CDH12: variants seen among roughly 807,000 people sequenced by gnomAD.
CDH12 encodes the protein cadherin-12.
CDH12 carries 41 observed loss-of-function variants against 74.1 expected under a neutral mutation model. The ratio of observed to expected loss-of-function variants is 0.55; its 90% CI spans 0.43 to 0.72. The LOEUF (loss-of-function observed/expected upper bound fraction) is 0.72, where lower values mean the gene tolerates loss of function less well. CDH12 is among the 30% of genes least tolerant of loss of function. CDH12 has a pLI of 0.00. For synonymous variants in CDH12, 399 were observed against 355.0 expected, an observed-to-expected ratio of 1.12 and a Z score of -1.39; for missense variants, 945 against 977.2, an observed-to-expected ratio of 0.97 and a Z score of 0.44.
intron 14 of CDH12, among the ~76,000 whole-genome samples, chr5:21,753,274 T>C (rs561988085): frequency 6.6e-6 from 1 of 152,274 alleles, no homozygotes; most frequent in African/African-American, 2.4e-5. Flanking sequence ...TCCTCCAAAA[T>C]TAGAGATGGA....
chr5:22,204,896 A>G (rs1283936986), intron 4 of CDH12, among the ~76,000 whole-genome samples: 1 of 152,120 alleles, frequency 6.6e-6, no homozygotes, highest in Admixed American at 6.5e-5. Flanking sequence ...CAGTCTGTAC[A>G]TATGTTCCAT....
intron 5 of CDH12, among the ~76,000 whole-genome samples, chr5:22,003,906 T>G (rs1412023824): frequency 6.6e-6 from 1 of 151,926 alleles, no homozygotes; most frequent in Non-Finnish European, 1.5e-5. Flanking sequence ...CTTTTTTAAT[T>G]TAAAGCTTCA....
chr5:22,234,600 A>G (rs1157701060), intron 3 of CDH12, among the ~76,000 whole-genome samples: 4 of 142,140 alleles, frequency 2.8e-5, no homozygotes, highest in African/African-American at 1.0e-4. Flanking sequence ...TTTTTTCAGC[A>G]GCATGAAAAT....
intron 1 of CDH12, among the ~76,000 whole-genome samples, chr5:22,720,918 A>G (rs388859): frequency 0.84 from 127,586 of 152,212 alleles, 53,563 homozygotes; most frequent in Non-Finnish European, 0.86. Flanking sequence ...AAAGGGGAAG[A>G]AGAGTGTAAA....
chr5:22,788,128 A>G (rs1747732359), intron 1 of CDH12, among the ~76,000 whole-genome samples: 1 of 152,130 alleles, frequency 6.6e-6, no homozygotes, highest in Non-Finnish European at 1.5e-5. Context: ...TGTTGACAGG[A>G]CATGGTCATT....
intron 3 of CDH12, among the ~76,000 whole-genome samples, chr5:22,232,717 C>G (rs911156985): frequency 3.3e-5 from 5 of 151,428 alleles, no homozygotes; most frequent in African/African-American, 1.2e-4. Context: ...CTCTCTGTGT[C>G]TAACTTTTAG....
At chr5:22,467,182 G>A (rs1745770535) in intron 2 of CDH12, among the ~76,000 whole-genome samples, 1 of 152,042 alleles carries the variant, frequency 6.6e-6, no homozygotes, top group Admixed American at 6.5e-5. Flanking sequence ...GCCTCATACT[G>A]GCATGAGATG....
At chr5:22,202,254 C>G (rs1750971127) in intron 4 of CDH12, among the ~76,000 whole-genome samples, 1 of 149,662 alleles carries the variant, frequency 6.7e-6, no homozygotes, top group Non-Finnish European at 1.5e-5. Flanking sequence ...AGGTGATGAG[C>G]CTGCAGCAGT....
In CDH12 at chr5:22,138,875, T is replaced by TATATATATATATATATATAC. The variant is rs1256794399; in HGVS notation, c.-186-60014_-186-60013insGTATATATATATATATATAT. On this transcript the variant is annotated intron_variant, in intron 4 of 14. Coordinates refer to ENST00000382254, the MANE Select transcript of CDH12 (RefSeq NM_004061.5). ...ATATATATATATATATATATATATA[T>TATATATATATATATATATAC]ACATGTTGGACTCATCGATGTACAT... is the stretch of plus-strand genomic sequence containing the variant. 2.7e-4 allele frequency among the ~76,000 whole-genome samples: 37 copies of TATATATATATATATATATAC among 137,668 alleles called. 1 individual carries two copies. Among genetic ancestry groups the TATATATATATATATATATAC allele is most frequent in the Middle Eastern group, 3.7e-3 (1 of 270 alleles). The allele number at this position is 137,668 out of a possible 152,430, so 90.3% of individuals were successfully genotyped here. A position where few individuals can be genotyped will look rare whatever the true frequency, so the allele number is the denominator to read the frequency against.
At chr5:22,827,516 C>G (rs1057164078) in intron 1 of CDH12, among the ~76,000 whole-genome samples, 1 of 152,176 alleles carries the variant, frequency 6.6e-6, no homozygotes, top group African/African-American at 2.4e-5. Context: ...AGACTCCCTA[C>G]TGGGGCACCA....
chr5:22,262,668 C>T (rs1294488992), intron 3 of CDH12, among the ~76,000 whole-genome samples: 2 of 151,158 alleles, frequency 1.3e-5, no homozygotes, highest in Admixed American at 6.6e-5. Flanking sequence ...ATTTCTAGTT[C>T]TAGATCCCTG....
intron 5 of CDH12, among the ~76,000 whole-genome samples, chr5:22,022,175 T>C (rs1455491455): frequency 6.6e-6 from 1 of 152,148 alleles, no homozygotes; most frequent in Non-Finnish European, 1.5e-5. Flanking sequence ...AATCTGGTGA[T>C]ATGGTATGGC....
chr5:21,942,568 G>C (rs1755388150), intron 6 of CDH12, among the ~76,000 whole-genome samples: 2 of 151,614 alleles, frequency 1.3e-5, no homozygotes. Context: ...TCTGTTAAAA[G>C]AAAGTTTAAG....
chr5:22,653,094 T>C (rs2126886123), intron 1 of CDH12, among the ~76,000 whole-genome samples: 1 of 152,302 alleles, frequency 6.6e-6, no homozygotes, highest in African/African-American at 2.4e-5. Flanking sequence ...CTTAGTCATA[T>C]AGCCCATTTA....
At chr5:22,468,508 C>A (rs1745824558) in intron 2 of CDH12, among the ~76,000 whole-genome samples, 2 of 152,074 alleles carry the variant, frequency 1.3e-5, no homozygotes, top group Non-Finnish European at 2.9e-5. Flanking sequence ...TAAGAATTCT[C>A]AATAGTTACA....
rs1238710259 is a variant in CDH12, at chr5:21,769,084, C to G, written c.1394-3985G>C. Among the ~76,000 whole-genome samples, 3 of 152,034 alleles carry G rather than the reference C, an allele frequency of 2.0e-5. No homozygotes were observed. In the East Asian group the frequency reaches 5.8e-4, roughly 29 times the overall value. On this transcript the variant is annotated intron_variant, in intron 11 of 14. Transcript: ENST00000382254. ...AACCCTAGTCCATTCGTGATAAAAA[C>G]TCTCAAGAAACAATAAATAAAAGGC...
intron 1 of CDH12, among the ~76,000 whole-genome samples, chr5:22,669,363 C>T (rs1049459265): frequency 3.3e-5 from 5 of 152,126 alleles, no homozygotes; most frequent in African/African-American, 1.2e-4. Context: ...AAGTGTAGAA[C>T]TGGCCAGCGA....
intron 1 of CDH12, among the ~76,000 whole-genome samples, chr5:22,605,208 G>A (rs915645744): frequency 1.3e-5 from 2 of 152,188 alleles, no homozygotes; most frequent in African/African-American, 4.8e-5. Flanking sequence ...GCTGTACTGT[G>A]CACTCCGAGG....
chr5:22,505,538 A>G (rs1736348190), intron 1 of CDH12, among the ~76,000 whole-genome samples, 174 bp from the exon 2 acceptor site: 1 of 152,056 alleles, frequency 6.6e-6, no homozygotes, highest in African/African-American at 2.4e-5. Flanking sequence ...GCATTTCTCA[A>G]TGTACTTTTG....
Sources: gnomAD v4.1 joint callset for allele counts (sites outside exome capture counted in the v4.1 genomes callset) on GRCh38, gnomAD v4.1.1 for gene constraint, MANE v1.5 for transcripts, NCBI Gene and HGNC (gene_info 2026-07-23, HGNC 2026-07-21) for gene names.